AKAP6: variants seen among roughly 807,000 people sequenced by gnomAD.
AKAP6 encodes the protein A-kinase anchoring protein 6.
A neutral mutation model predicts 188.5 loss-of-function variants in AKAP6; 58 were observed. The ratio of observed to expected loss-of-function variants is 0.31; its 90% CI spans 0.25 to 0.38. The LOEUF (loss-of-function observed/expected upper bound fraction) is 0.38. Among genes scored for constraint, AKAP6 ranks in the 10% least tolerant of loss-of-function variants. The probability of loss-of-function intolerance (pLI) is 1.00; values close to 1 mark genes in which losing one functional copy is unlikely to be tolerated. For synonymous variants in AKAP6, 989 were observed against 998.6 expected (o/e 0.99, Z 0.18); for missense variants, 2,710 against 2,740.0 (o/e 0.99, Z 0.24).
At chr14:32,744,979 A>G (rs1034217401) in intron 11 of AKAP6, among the ~76,000 whole-genome samples, 1 of 152,006 alleles carries the variant, frequency 6.6e-6, no homozygotes, top group East Asian at 1.9e-4. Context: ...TTTAATCTTT[A>G]TCTGGTAGAA....
chr14:32,501,181 C>T (rs1235730249), intron 2 of AKAP6, among the ~76,000 whole-genome samples: 1 of 150,796 alleles, frequency 6.6e-6, no homozygotes, highest in African/African-American at 2.4e-5. Flanking sequence ...CCAATTTGTC[C>T]AAAATATTGT....
chr14:32,398,844 GTT>G (rs773955888), intron 1 of AKAP6, among the ~76,000 whole-genome samples: 19 of 60,982 alleles, frequency 3.1e-4, no homozygotes, highest in African/African-American at 9.6e-4. Flanking sequence ...CTTTCTTCCT[GTT>G]TTTTTTTTTT....
chr14:32,691,565 C>G (rs1437406621), intron 8 of AKAP6, among the ~76,000 whole-genome samples: 2 of 151,876 alleles, frequency 1.3e-5, no homozygotes, highest in East Asian at 3.9e-4. Context: ...TGATTTGCCA[C>G]TGTTTTTTTT....
chr14:32,767,557 G>A (rs753970471), intron 11 of AKAP6, among the ~76,000 whole-genome samples: 3 of 151,906 alleles, frequency 2.0e-5, no homozygotes, highest in Non-Finnish European at 4.4e-5. Context: ...AAGTACATTT[G>A]GATGGATAGA....
chr14:32,499,328 C>CAAAAAAAA (rs71432061), intron 2 of AKAP6, among the ~76,000 whole-genome samples: 1 of 111,092 alleles, frequency 9.0e-6, no homozygotes, highest in African/African-American at 3.3e-5. Flanking sequence ...AGTGTAACAG[C>CAAAAAAAA]AAAAAAAAAA....
rs1884301358 is a variant in AKAP6 at position 32,568,397 on chromosome 14, C to A, written c.2347-8723C>A. The stretch of plus-strand genomic sequence containing the variant: ...GGGAAATTTGACTATTCAATAACTT[C>A]ACAAGTTATTAGTAGGATAGATGGT... On this transcript the variant is annotated intron_variant, in intron 4 of 13. Coordinates refer to ENST00000280979, the MANE Select transcript of AKAP6 (RefSeq NM_004274.5). This position sits in a 1 kb window ranked among gnomAD's most constrained non-coding sequence, Gnocchi z 6.2. Among the ~76,000 whole-genome samples, 1 of 152,210 alleles carries A rather than the reference C, an allele frequency of 6.6e-6. No individual in the cohort carries two copies. The highest frequency in any genetic ancestry group is 1.5e-5 in the Non-Finnish European group (1 of 68,018).
At chr14:32,485,708 A>T (rs954466978) in intron 2 of AKAP6, among the ~76,000 whole-genome samples, 4 of 151,876 alleles carry the variant, frequency 2.6e-5, no homozygotes, top group African/African-American at 9.7e-5. Flanking sequence ...TAGATTCTGG[A>T]TATTAGCCCT....
At chr14:32,730,178 A>G (rs149313325) in intron 9 of AKAP6, among the ~76,000 whole-genome samples, 249 of 152,304 alleles carry the variant, frequency 1.6e-3, no homozygotes, top group African/African-American at 5.6e-3. Context: ...CTTAAATTAT[A>G]TAACATTTTA....
intron 9 of AKAP6, among the ~76,000 whole-genome samples, chr14:32,700,964 A>G (rs533324907): frequency 9.9e-5 from 15 of 152,242 alleles, no homozygotes; most frequent in Non-Finnish European, 1.8e-4. Context: ...CTAAATAAGT[A>G]TCCAATTCAA....
intron 3 of AKAP6, among the ~76,000 whole-genome samples, chr14:32,539,815 C>T (rs79518237): frequency 9.2e-5 from 14 of 152,168 alleles, no homozygotes; most frequent in Middle Eastern, 3.4e-3. Context: ...GGGATGCATT[C>T]GGAATCATAG....
At chr14:32,610,519 G>T (rs79781871) in intron 7 of AKAP6, among the ~76,000 whole-genome samples, 1 of 152,074 alleles carries the variant, frequency 6.6e-6, no homozygotes, top group Admixed American at 6.6e-5. Context: ...CTGCCTAGCA[G>T]TGGAGACAGA....
chr14:32,815,125 T>A (rs914333054), intron 12 of AKAP6, among the ~76,000 whole-genome samples: 1 of 152,240 alleles, frequency 6.6e-6, no homozygotes, highest in Non-Finnish European at 1.5e-5. Flanking sequence ...GGATTTTTCA[T>A]TTTCAACTAT....
At chr14:32,623,316 G>A (rs1886888573) in intron 7 of AKAP6, among the ~76,000 whole-genome samples, 1 of 152,088 alleles carries the variant, frequency 6.6e-6, no homozygotes. Flanking sequence ...TAGAGATCTA[G>A]AATAAATTGC....
chr14:32,527,402 G>T (rs1882187265), intron 2 of AKAP6, among the ~76,000 whole-genome samples: 1 of 152,056 alleles, frequency 6.6e-6, no homozygotes, highest in African/African-American at 2.4e-5. Flanking sequence ...TGGCAATTAT[G>T]AATAAAGCCG....
intron 1 of AKAP6, among the ~76,000 whole-genome samples, chr14:32,356,114 T>C (rs983164927): frequency 3.9e-5 from 6 of 152,334 alleles, no homozygotes; most frequent in Admixed American, 1.3e-4. Flanking sequence ...CTAATACTTC[T>C]TTGAATTGTT....
chr14:32,726,119 A>G (rs979479924), intron 9 of AKAP6: 1 of 926,428 alleles, frequency 1.1e-6, no homozygotes, highest in Non-Finnish European at 1.3e-6. Flanking sequence ...TAGTTCCCAC[A>G]CTAGAAAATA....
chr14:32,462,916 A>AAAAAAAAAAAAAAAAC (rs1891389540), intron 2 of AKAP6, among the ~76,000 whole-genome samples: 39 of 93,754 alleles, frequency 4.2e-4, no homozygotes, highest in African/African-American at 1.8e-3. Context: ...AAAAAAAAAA[A>AAAAAAAAAAAAAAAAC]AAAAAAAAAA....
chr14:32,375,353 T>C (rs1460380166), intron 1 of AKAP6, among the ~76,000 whole-genome samples: 2 of 152,186 alleles, frequency 1.3e-5, no homozygotes, highest in Non-Finnish European at 2.9e-5. Context: ...TCAAAGTACC[T>C]GTAGGACATT....
At chr14:32,462,901 CAA>C (rs71143943) in intron 2 of AKAP6, among the ~76,000 whole-genome samples, 5 of 8,832 alleles carry the variant, frequency 5.7e-4, no homozygotes, top group Non-Finnish European at 6.4e-4. Context: ...AAATGGAAAG[CAA>C]AAAAAAAAAA....
Sources: gnomAD v4.1 joint callset for allele counts (sites outside exome capture counted in the v4.1 genomes callset) on GRCh38, gnomAD v4.1.1 for gene constraint, Gnocchi (gnomAD v3.1) non-coding constraint, MANE v1.5 for transcripts, NCBI Gene and HGNC (gene_info 2026-07-23, HGNC 2026-07-21) for gene names.